The following DCTD variants were observed in gnomAD, a reference collection of about 807,000 sequenced individuals.
The protein encoded by DCTD is deoxycytidylate deaminase.
A neutral mutation model predicts 21.0 loss-of-function variants in DCTD; 23 were observed. The ratio of observed to expected loss-of-function variants is 1.09; its 90% CI spans 0.79 to 1.55. The LOEUF (loss-of-function observed/expected upper bound fraction) is 1.55, where lower values mean the gene tolerates loss of function less well. Among genes scored for constraint, DCTD ranks in the 40% most tolerant of loss-of-function variants. DCTD has a pLI of 0.00. For missense variants in DCTD, 224 were observed against 230.0 expected, an observed-to-expected ratio of 0.97 and a Z score of 0.17; for synonymous variants, 71 against 81.1, an observed-to-expected ratio of 0.88 and a Z score of 0.67.
At position 182,902,149 on chromosome 4, in the gene DCTD, C is replaced by A. The variant is rs192622300; in HGVS notation, c.245-7544G>T. Among the ~76,000 whole-genome samples the A allele has an allele frequency of 5.8e-3, 882 of 152,270 alleles. 4 individuals carry two copies. Among genetic ancestry groups the A allele is most frequent in the Middle Eastern group, 0.024 (7 of 294 alleles). On this transcript the variant is annotated intron_variant, in intron 3 of 5. Transcript: ENST00000438320. ...ATATGTCACTGCCAGCCTCCGCAGT[C>A]CCTATCCTGCACGTCAATAATTTAA... is the stretch of plus-strand genomic sequence containing the variant.
At chr4:182,901,584 G>C (rs1049197192) in intron 3 of DCTD, among the ~76,000 whole-genome samples, 4 of 152,120 alleles carry the variant, frequency 2.6e-5, no homozygotes, top group Non-Finnish European at 5.9e-5. Flanking sequence ...CCCAGGCTGA[G>C]CCGTTCAGAG....
At chr4:182,903,993 G>A (rs956507022) in intron 3 of DCTD, among the ~76,000 whole-genome samples, 1 of 152,082 alleles carries the variant, frequency 6.6e-6, no homozygotes, top group Admixed American at 6.5e-5. Context: ...TCTCCCACGT[G>A]TGCCCACCTG....
chr4:182,899,032 A>G (rs1322531598), intron 3 of DCTD, among the ~76,000 whole-genome samples: 4 of 152,178 alleles, frequency 2.6e-5, no homozygotes, highest in Non-Finnish European at 4.4e-5. Context: ...GGGTCACCAT[A>G]TATCTGCCAA....
intron 3 of DCTD, 60 bp from the exon 4 acceptor site, chr4:182,894,665 A>G (rs1209843868): frequency 1.0e-6 from 1 of 1,000,056 alleles, no homozygotes; most frequent in Non-Finnish European, 1.6e-6. Context: ...GAATTTACTA[A>G]GTGTTAACAC....
chr4:182,893,717 C>G (rs77070135), intron 4 of DCTD, among the ~76,000 whole-genome samples: 3,997 of 152,374 alleles, frequency 0.026, 62 homozygotes, highest in Non-Finnish European at 0.041. Flanking sequence ...GGCCCACAGG[C>G]CTGCCACCGC....
intron 3 of DCTD, among the ~76,000 whole-genome samples, chr4:182,913,384 G>T (rs1465449058): frequency 6.6e-6 from 1 of 152,184 alleles, no homozygotes; most frequent in Non-Finnish European, 1.5e-5. Context: ...AGACTGCTTT[G>T]CAGTCCTCAG....
At chr4:182,901,999 G>A (rs1735838219) in intron 3 of DCTD, among the ~76,000 whole-genome samples, 1 of 152,106 alleles carries the variant, frequency 6.6e-6, no homozygotes, top group African/African-American at 2.4e-5. Context: ...CTTCCGCTGA[G>A]GGATGGGGTA....
intron 3 of DCTD, among the ~76,000 whole-genome samples, chr4:182,911,706 A>G (rs1474466898): frequency 2.0e-5 from 3 of 152,210 alleles, no homozygotes; most frequent in Non-Finnish European, 4.4e-5. Context: ...GACACTACTA[A>G]GGTATTGCAA....
intron 3 of DCTD, among the ~76,000 whole-genome samples, chr4:182,905,668 G>A (rs1736577102): frequency 6.6e-6 from 1 of 151,952 alleles, no homozygotes; most frequent in African/African-American, 2.4e-5. Context: ...CTTAAGCGCT[G>A]GAGCCCTCAG....
rs116126960 is a variant in DCTD at position 182,904,082 on chromosome 4, T to C, written c.245-9477A>G. On this transcript the variant is annotated intron_variant, in intron 3 of 5. Transcript: ENST00000438320. ...TCTTTTTCCCTCTCTCCCACTCTGC[T>C]CCCCATCCCTGCCCCCTTCCTCAAT... Among the ~76,000 whole-genome samples the C allele has an allele frequency of 4.7e-3, 714 of 151,908 alleles. 3 individuals are homozygous for C. Among genetic ancestry groups the C allele is most frequent in the African/African-American group, 0.016 (657 of 41,420 alleles).
At chr4:182,897,756 G>A (rs995891019) in intron 3 of DCTD, among the ~76,000 whole-genome samples, 8 of 152,132 alleles carry the variant, frequency 5.3e-5, no homozygotes, top group Non-Finnish European at 7.4e-5. Flanking sequence ...AGGCTTGCCC[G>A]ACCCGCACCT....
chr4:182,915,867 G>A (rs1283797688), intron 1 of DCTD: 1 of 1,163,606 alleles, frequency 8.6e-7, no homozygotes, highest in Non-Finnish European at 1.1e-6. Flanking sequence ...CCTACAAATT[G>A]TTGTGTCCTT....
At chr4:182,900,858 G>GT (rs56281426) in intron 3 of DCTD, among the ~76,000 whole-genome samples, 3 of 143,244 alleles carry the variant, frequency 2.1e-5, no homozygotes, top group African/African-American at 5.1e-5. Context: ...ATATGCTTTG[G>GT]TTTTTTTTTT....
At position 182,894,510 on chromosome 4, in the gene DCTD, C is replaced by G; in HGVS notation, c.340G>C (p.Ala114Pro). Residue 114 changes from alanine to proline, a missense_variant, in exon 4 of 6, where the codon GCT becomes CCT. Ala to Pro is a conservative substitution (Grantham distance 27). Transcript: ENST00000438320. ...CTACCTGCCTGGATGATGAGCTTAG[C>G]GCATTCATTACAAGGGAACAAGGCA... ...YVALFPCNECAKLIIQAGIKE... is the reference protein window; with the variant it reads ...YVALFPCNECPKLIIQAGIKE... The G allele has an allele frequency of 6.2e-7, 1 of 1,612,368 alleles. No homozygotes were observed. Among genetic ancestry groups the G allele is most frequent in the Non-Finnish European group, 8.5e-7 (1 of 1,178,370 alleles).
chr4:182,893,176 T>C (rs1354421598), intron 4 of DCTD, 49 bp from the exon 5 acceptor site: 1 of 1,120,506 alleles, frequency 8.9e-7, no homozygotes, highest in East Asian at 2.4e-5. Flanking sequence ...CTACAGATGC[T>C]GCAAAAGACA....
chr4:182,893,680 G>A (rs1233073933), intron 4 of DCTD, among the ~76,000 whole-genome samples: 4 of 152,280 alleles, frequency 2.6e-5, no homozygotes, highest in Non-Finnish European at 4.4e-5. Flanking sequence ...AGGCAGAGGA[G>A]GCTGCAGTGT....
chr4:182,897,523 T>C (rs1734954219), intron 3 of DCTD, among the ~76,000 whole-genome samples: 1 of 150,876 alleles, frequency 6.6e-6, no homozygotes, highest in Non-Finnish European at 1.5e-5. Flanking sequence ...TATATATATA[T>C]ATTTACATAT....
At chr4:182,902,793 C>T (rs1261614893) in intron 3 of DCTD, among the ~76,000 whole-genome samples, 1 of 152,132 alleles carries the variant, frequency 6.6e-6, no homozygotes. Flanking sequence ...AGCTGGGCTG[C>T]GATGCCCCAG....
intron 5 of DCTD, among the ~76,000 whole-genome samples, chr4:182,892,613 G>A (rs1561313703): frequency 7.6e-6 from 1 of 131,900 alleles, no homozygotes. Context: ...TGGTGACAGA[G>A]CGAGACTCCG....
Sources: allele counts gnomAD v4.1 joint callset (sites outside exome capture counted in the v4.1 genomes callset), GRCh38; gene constraint gnomAD v4.1.1; transcripts MANE v1.5; gene names NCBI Gene and HGNC (gene_info 2026-07-23, HGNC 2026-07-21).